The following PRKG1 variants were observed in gnomAD, a reference collection of about 807,000 sequenced individuals.
PRKG1 encodes the protein cGMP-dependent protein kinase 1.
Under a neutral mutation model 88.1 loss-of-function variants are expected in PRKG1, and 35 were observed. The ratio of observed to expected loss-of-function variants is 0.40; its 90% CI spans 0.30 to 0.53. The LOEUF (loss-of-function observed/expected upper bound fraction) is 0.53. Ranked by LOEUF, PRKG1 falls within the 20% of genes least tolerant of loss-of-function variation. The probability of loss-of-function intolerance (pLI) is 0.59; values close to 1 mark genes in which losing one functional copy is unlikely to be tolerated. For missense variants in PRKG1, 540 were observed against 839.8 expected (o/e 0.64, Z 4.41); for synonymous variants, 303 against 292.5 (o/e 1.04, Z -0.37).
chr10:51,338,087 T>C (rs536278494), intron 2 of PRKG1, among the ~76,000 whole-genome samples: 29 of 152,096 alleles, frequency 1.9e-4, no homozygotes, highest in African/African-American at 6.5e-4. Context: ...CTAGCAGCCA[T>C]TATCCTCAGC....
intron 2 of PRKG1, among the ~76,000 whole-genome samples, chr10:51,382,202 T>C (rs1216582652): frequency 1.3e-5 from 2 of 152,134 alleles, no homozygotes; most frequent in African/African-American, 4.8e-5. Flanking sequence ...TTATGAATAA[T>C]ATAGAAAAGG....
chr10:51,985,120 T>C (rs1166081679), intron 5 of PRKG1, among the ~76,000 whole-genome samples: 2 of 152,190 alleles, frequency 1.3e-5, no homozygotes, highest in Non-Finnish European at 2.9e-5. Flanking sequence ...TCATAGAGCA[T>C]GGAGCACATC....
At chr10:51,710,955 C>T (rs375814873) in intron 3 of PRKG1, among the ~76,000 whole-genome samples, 2 of 152,146 alleles carry the variant, frequency 1.3e-5, no homozygotes, top group South Asian at 2.1e-4. Flanking sequence ...CTCGGCCTCC[C>T]GAAGGTGCTG....
At chr10:51,849,555 A>C (rs958702428) in intron 4 of PRKG1, among the ~76,000 whole-genome samples, 6 of 152,102 alleles carry the variant, frequency 3.9e-5, no homozygotes, top group African/African-American at 1.4e-4. Flanking sequence ...AGTTATCCAG[A>C]GATCTCTTCT....
chr10:51,678,684 T>C (rs1275415813), intron 3 of PRKG1, among the ~76,000 whole-genome samples: 2 of 152,348 alleles, frequency 1.3e-5, no homozygotes, highest in South Asian at 2.1e-4. Context: ...TTTATTTCTG[T>C]ATTTTACATT....
intron 3 of PRKG1, among the ~76,000 whole-genome samples, chr10:51,638,471 C>A (rs575783115): frequency 6.6e-6 from 1 of 152,242 alleles, no homozygotes; most frequent in Admixed American, 6.5e-5. Flanking sequence ...ATTTGATATG[C>A]AGTTGAATTT....
intron 7 of PRKG1, among the ~76,000 whole-genome samples, chr10:52,110,162 C>T (rs1041219168): frequency 2.6e-5 from 4 of 151,834 alleles, no homozygotes; most frequent in Admixed American, 6.6e-5. Context: ...TCCTGGCTAA[C>T]ATGGTGAAAC....
At chr10:51,498,974 C>A (rs981562028) in intron 3 of PRKG1, among the ~76,000 whole-genome samples, 4 of 151,440 alleles carry the variant, frequency 2.6e-5, no homozygotes, top group Middle Eastern at 3.5e-3. Flanking sequence ...GTAGAGTAGA[C>A]CTGACCTGTC....
intron 3 of PRKG1, among the ~76,000 whole-genome samples, chr10:51,662,409 C>T (rs375697952): frequency 6.6e-6 from 1 of 152,042 alleles, no homozygotes; most frequent in Non-Finnish European, 1.5e-5. Flanking sequence ...ACCATTTATA[C>T]TATATTTCTT....
intron 5 of PRKG1, among the ~76,000 whole-genome samples, chr10:51,916,789 G>C (rs980091106): frequency 7.9e-5 from 12 of 152,304 alleles, no homozygotes; most frequent in African/African-American, 2.4e-4. Context: ...TCAGCTGATG[G>C]ATGGGTAAAT....
intron 2 of PRKG1, among the ~76,000 whole-genome samples, chr10:51,206,490 TAAA>T (rs772696558): frequency 4.0e-5 from 5 of 126,152 alleles, no homozygotes; most frequent in African/African-American, 5.9e-5. Context: ...AAACTCCATC[TAAA>T]AAAAAAAAAA....
chr10:51,361,410 A>G (rs958716574), intron 2 of PRKG1, among the ~76,000 whole-genome samples: 2 of 151,940 alleles, frequency 1.3e-5, no homozygotes, highest in Admixed American at 6.6e-5. Flanking sequence ...TGACACCCAC[A>G]TAAGAGAAAA....
At chr10:51,352,918 C>A (rs550686405) in intron 2 of PRKG1, among the ~76,000 whole-genome samples, 4 of 151,812 alleles carry the variant, frequency 2.6e-5, no homozygotes, top group Non-Finnish European at 5.9e-5. Flanking sequence ...ACAAACAAAA[C>A]AAACAACAAC....
At chr10:51,630,960 T>C (rs1839510178) in intron 3 of PRKG1, among the ~76,000 whole-genome samples, 1 of 152,232 alleles carries the variant, frequency 6.6e-6, no homozygotes, top group Non-Finnish European at 1.5e-5. Context: ...TGTTTTTCTA[T>C]TGAAAAACTC....
At chr10:51,860,136 C>G (rs1840833905) in intron 4 of PRKG1, among the ~76,000 whole-genome samples, 2 of 152,122 alleles carry the variant, frequency 1.3e-5, no homozygotes, top group Admixed American at 6.5e-5. Context: ...CATACATATA[C>G]TAGGCAGTAG....
At chr10:52,101,608 A>G (rs780190307) in intron 7 of PRKG1, among the ~76,000 whole-genome samples, 4 of 152,206 alleles carry the variant, frequency 2.6e-5, no homozygotes, top group East Asian at 1.9e-4. Flanking sequence ...ACTTATCTAA[A>G]TAATTCATGT....
intron 3 of PRKG1, among the ~76,000 whole-genome samples, chr10:51,652,796 C>G (rs995092330): frequency 3.9e-5 from 6 of 152,132 alleles, no homozygotes; most frequent in Admixed American, 3.9e-4. Flanking sequence ...ACTACAGTCA[C>G]CATGCCGTGC....
chr10:51,262,521 T>TGTCA lies in PRKG1; in HGVS notation c.478+109191_478+109192insGTCA, dbSNP rs200366038. 1.8e-3 allele frequency among the ~76,000 whole-genome samples: 274 copies of TGTCA among 152,254 alleles called. 1 individual carries two copies. The highest frequency in any genetic ancestry group is 6.4e-3 in the African/African-American group (266 of 41,530). ...CCTTAATTAATTCCATTTTATTGCC[T>TGTCA]AAGGATGAAATTCTTGAATTAAAAA... On this transcript the variant is annotated intron_variant, in intron 2 of 17. Coordinates refer to ENST00000373980, the MANE Select transcript of PRKG1 (RefSeq NM_006258.4).
intron 3 of PRKG1, among the ~76,000 whole-genome samples, chr10:51,468,262 T>G (rs1221622199): frequency 1.3e-5 from 2 of 151,858 alleles, no homozygotes; most frequent in African/African-American, 4.8e-5. Context: ...AGAGAAGAAA[T>G]GTCCTTCATC....
Sources: gnomAD v4.1 joint callset for allele counts (sites outside exome capture counted in the v4.1 genomes callset) on GRCh38, gnomAD v4.1.1 for gene constraint, MANE v1.5 for transcripts, NCBI Gene and HGNC (gene_info 2026-07-23, HGNC 2026-07-21) for gene names.